TMCC3: variants seen among roughly 807,000 people sequenced by gnomAD.
TMCC3 encodes transmembrane and coiled-coil domain family 3.
A neutral mutation model predicts 40.2 loss-of-function variants in TMCC3; 28 were observed. The observed-to-expected ratio is 0.70, with a 90% CI of 0.52 to 0.95. TMCC3 has a LOEUF of 0.95. Ranked by LOEUF, TMCC3 falls within the 40% of genes least tolerant of loss-of-function variation. The pLI, the probability that TMCC3 is intolerant of heterozygous loss-of-function variation, is 0.00. For missense variants in TMCC3, 554 were observed against 615.2 expected, an observed-to-expected ratio of 0.90 and a Z score of 1.05; for synonymous variants, 255 against 248.5, an observed-to-expected ratio of 1.03 and a Z score of -0.25.
chr12:94,599,540 A>G (rs948427850), intron 1 of TMCC3, among the ~76,000 whole-genome samples: 10 of 146,890 alleles, frequency 6.8e-5, no homozygotes, highest in Non-Finnish European at 1.3e-4. Flanking sequence ...AACAGGAAAG[A>G]TAATTTTTAA....
At chr12:94,578,569 C>T in intron 2 of TMCC3, 40 bp from the exon 3 acceptor site, 1 of 1,594,952 alleles carries the variant, frequency 6.3e-7, no homozygotes, top group Non-Finnish European at 8.6e-7. Flanking sequence ...TGACCTTTCA[C>T]AGCACATTGT....
In TMCC3 at chr12:94,581,675, C is replaced by T. The variant is rs2068602375; in HGVS notation, c.942G>A (p.Gln314=). 1.9e-6 allele frequency: 3 copies of T among 1,613,786 alleles called. No homozygotes were observed. The highest frequency in any genetic ancestry group is 1.1e-5 in the South Asian group (1 of 91,074). ...LAEDIEALKV[Q]FKREYGFISQ... ...AAATAAAACCATATTCTCTCTTAAA[C>T]TGCACCTTCAGTGCCTCGATGTCCT... Residue 314 remains glutamine (Q), a synonymous_variant, in exon 2 of 4, where the codon CAG becomes CAA. Transcript: ENST00000261226.
intron 1 of TMCC3, among the ~76,000 whole-genome samples, chr12:94,605,617 C>A (rs1250469368): frequency 6.6e-6 from 1 of 152,148 alleles, no homozygotes; most frequent in African/African-American, 2.4e-5. Context: ...ATACACAATT[C>A]ATAATTTATT....
At position 94,582,428 on chromosome 12, in the gene TMCC3, C is replaced by G; in HGVS notation, c.189G>C (p.Lys63Asn). Residue 63 changes from lysine to asparagine, a missense_variant, in exon 2 of 4, where the codon AAG becomes AAC. Coordinates refer to ENST00000261226, the MANE Select transcript of TMCC3 (RefSeq NM_020698.4). ...DVPDGILDFH[K>N]VKLTADSLKQ... The stretch of plus-strand genomic sequence containing the variant: ...TCAGGCTGTCTGCAGTGAGTTTGAC[C>G]TTGTGGAAGTCCAGGATGCCATCCG... 1 of 1,613,836 alleles carries G rather than the reference C, an allele frequency of 6.2e-7. No individual in the cohort carries two copies. Among genetic ancestry groups the G allele is most frequent in the Admixed American group, 1.7e-5 (1 of 59,960 alleles).
chr12:94,615,146 G>A (rs1263235385), intron 1 of TMCC3, among the ~76,000 whole-genome samples: 1 of 152,102 alleles, frequency 6.6e-6, no homozygotes, highest in Non-Finnish European at 1.5e-5. Flanking sequence ...TAATGTTCAG[G>A]GAAGGAAAGA....
chr12:94,635,072 C>T (rs556304669), intron 1 of TMCC3, among the ~76,000 whole-genome samples: 316 of 152,274 alleles, frequency 2.1e-3, no homozygotes, highest in African/African-American at 7.2e-3. Flanking sequence ...TTAACACAAG[C>T]GCATCTAGTG....
intron 1 of TMCC3, among the ~76,000 whole-genome samples, chr12:94,594,670 C>T (rs1297244576): frequency 6.6e-6 from 1 of 152,096 alleles, no homozygotes; most frequent in African/African-American, 2.4e-5. Context: ...CCAGGAAAAA[C>T]GAGTCTCTGA....
chr12:94,646,097 T>C (rs2069016540), intron 1 of TMCC3, among the ~76,000 whole-genome samples: 1 of 152,140 alleles, frequency 6.6e-6, no homozygotes, highest in Non-Finnish European at 1.5e-5. Context: ...CTAATGCAAA[T>C]GGTTCTGTAG....
intron 1 of TMCC3, among the ~76,000 whole-genome samples, chr12:94,594,494 A>G (rs2068703565): frequency 6.6e-6 from 1 of 152,158 alleles, no homozygotes; most frequent in South Asian, 2.1e-4. Flanking sequence ...GCTGCTAGGC[A>G]CTAAACTTAA....
At chr12:94,581,526 TA>T (rs979271452) in intron 2 of TMCC3, 95 bp downstream of exon 2, 2 of 890,498 alleles carry the variant, frequency 2.2e-6, no homozygotes, top group Non-Finnish European at 1.5e-6. Context: ...TCCGTGGTAA[TA>T]AAAAAGTTTT....
chr12:94,613,522 A>T (rs567030586), intron 1 of TMCC3, among the ~76,000 whole-genome samples: 1 of 152,326 alleles, frequency 6.6e-6, no homozygotes, highest in South Asian at 2.1e-4. Context: ...CACATACTTT[A>T]TGAATTCTAC....
chr12:94,580,982 C>T (rs2068597258), intron 2 of TMCC3, among the ~76,000 whole-genome samples: 1 of 152,198 alleles, frequency 6.6e-6, no homozygotes, highest in African/African-American at 2.4e-5. Flanking sequence ...AAATCCTTCT[C>T]TAATTGTCAG....
At chr12:94,633,513 T>C (rs924372091) in intron 1 of TMCC3, among the ~76,000 whole-genome samples, 3 of 152,240 alleles carry the variant, frequency 2.0e-5, no homozygotes, top group African/African-American at 7.2e-5. Flanking sequence ...ACAGAGCCAC[T>C]TGGTTAATGA....
intron 1 of TMCC3, among the ~76,000 whole-genome samples, chr12:94,586,423 A>T (rs563696250): frequency 6.6e-6 from 1 of 152,306 alleles, no homozygotes; most frequent in Admixed American, 6.5e-5. Flanking sequence ...AACCGCATAC[A>T]TTAGTTTTGC....
At chr12:94,618,219 C>G (rs2068857535) in intron 1 of TMCC3, among the ~76,000 whole-genome samples, 1 of 152,180 alleles carries the variant, frequency 6.6e-6, no homozygotes, top group Non-Finnish European at 1.5e-5. Context: ...TCTAACTTGT[C>G]TTTACCTATT....
chr12:94,602,100 G>C (rs1362978232), intron 1 of TMCC3, among the ~76,000 whole-genome samples: 1 of 152,150 alleles, frequency 6.6e-6, no homozygotes, highest in Non-Finnish European at 1.5e-5. Flanking sequence ...CCCTGTGTTT[G>C]TTAATCATAC....
intron 1 of TMCC3, among the ~76,000 whole-genome samples, chr12:94,625,242 A>C (rs1183601079): frequency 6.6e-6 from 1 of 151,526 alleles, no homozygotes; most frequent in Non-Finnish European, 1.5e-5. Flanking sequence ...GGTGGTTAGG[A>C]CTTCAACATA....
chr12:94,613,904 C>A (rs988930423), intron 1 of TMCC3: 8 of 152,014 alleles, frequency 5.3e-5, no homozygotes, highest in South Asian at 2.1e-4. Context: ...ACCATCCTGG[C>A]TGACACGGTG....
intron 3 of TMCC3, 29 bp from the exon 4 acceptor site, chr12:94,571,766 A>G: frequency 2.5e-6 from 4 of 1,609,682 alleles, no homozygotes; most frequent in Non-Finnish European, 1.7e-6. Flanking sequence ...GCAAGGGTCA[A>G]ACGGTGTTGG....
Sources: allele counts gnomAD v4.1 joint callset (sites outside exome capture counted in the v4.1 genomes callset), GRCh38; gene constraint gnomAD v4.1.1; transcripts MANE v1.5; gene names NCBI Gene and HGNC (gene_info 2026-07-23, HGNC 2026-07-21).